The following GTPBP8 variants were observed in gnomAD, a reference collection of about 807,000 sequenced individuals.
The protein encoded by GTPBP8 is GTP binding protein 8.
Under a neutral mutation model 27.3 loss-of-function variants are expected in GTPBP8, and 21 were observed. The observed-to-expected ratio is 0.77, with a 90% CI of 0.55 to 1.11. GTPBP8 has a LOEUF of 1.11. GTPBP8 is among the 50% of genes least tolerant of loss of function. GTPBP8 has a pLI of 0.00. For missense variants in GTPBP8, 380 were observed against 350.8 expected (o/e 1.08, Z -0.67); for synonymous variants, 147 against 135.3 (o/e 1.09, Z -0.60).
rs759644940 is a variant in GTPBP8 at position 112,991,164 on chromosome 3, GCGGTTCCTCGCCCCCTA to G, written c.169_185del (p.Phe57GlufsTer10). The stretch of plus-strand genomic sequence containing the variant: ...TGCTGTACCCGCTGCAGGAAGTAGA[GCGGTTCCTCGCCCCCTA>G]CGGGAGGCAAGACCTTCACCTGCGT... On this transcript the variant is annotated frameshift_variant, in exon 1 of 6. Transcript: ENST00000383678. LOFTEE classifies it high-confidence loss of function. 3.1e-6 allele frequency: 5 copies of G among 1,614,140 alleles called. No homozygotes were observed. Among genetic ancestry groups the G allele is most frequent in the Non-Finnish European group, 3.4e-6 (4 of 1,180,032 alleles).
chr3:112,997,343 G>T (rs1576167783), intron 4 of GTPBP8, among the ~76,000 whole-genome samples: 1 of 152,172 alleles, frequency 6.6e-6, no homozygotes, highest in African/African-American at 2.4e-5. Context: ...GTGGCAGATA[G>T]TACTTATAAG....
chr3:112,993,047 A>G lies in GTPBP8; in HGVS notation c.358A>G (p.Asn120Asp), dbSNP rs773603135. The change falls in exon 2 of 6, where the codon AAT (asparagine) becomes GAT (aspartate). Residue 120 changes from asparagine to aspartate, a missense_variant. Coordinates refer to ENST00000383678, the MANE Select transcript of GTPBP8 (RefSeq NM_014170.4). ...RPEVCFIGRSNVGKSSLIKAL... is the reference protein window; with the variant it reads ...RPEVCFIGRSDVGKSSLIKAL... ...TAAGGTGTGTTTTATAGGCAGAAGC[A>G]ATGTTGGAAAATCATCTCTAATCAA... The G allele has an allele frequency of 8.1e-6, 13 of 1,607,490 alleles. No individual in the cohort carries two copies. The African/African-American group carries it at 1.6e-4, about 20-fold the overall frequency.
chr3:112,991,328 G>A lies in GTPBP8; in HGVS notation c.329G>A (p.Arg110Gln), dbSNP rs749091904. The A allele has an allele frequency of 1.2e-6, 2 of 1,613,482 alleles. No homozygotes were observed. The highest frequency in any genetic ancestry group is 1.1e-5 in the South Asian group (1 of 91,088). Residue 110 changes from arginine (R) to glutamine (Q), a missense_variant, in exon 1 of 6, where the codon CGG becomes CAG. Physicochemically the swap from Arg to Gln is conservative, Grantham distance 43. Coordinates refer to ENST00000383678, the MANE Select transcript of GTPBP8 (RefSeq NM_014170.4). ...VRIDHAPDLP[R>Q]PEVCFIGRSN... ...ATCGACCACGCCCCGGACCTTCCGC[G>A]GCCAGAGGTGAGAGGCGATTCTCAC...
At chr3:112,998,191 A>G (rs1933823508) in intron 4 of GTPBP8, among the ~76,000 whole-genome samples, 1 of 152,044 alleles carries the variant, frequency 6.6e-6, no homozygotes, top group African/African-American at 2.4e-5. Flanking sequence ...GTCTTCACCA[A>G]CAACCAGTGG....
chr3:112,991,986 A>AG (rs1241030671), intron 1 of GTPBP8: 1 of 192,840 alleles, frequency 5.2e-6, no homozygotes, highest in African/African-American at 2.4e-5. Context: ...GTCTGCTAAA[A>AG]GGCATCTCAA....
intron 3 of GTPBP8, among the ~76,000 whole-genome samples, chr3:112,996,087 A>G (rs1243570652): frequency 6.6e-6 from 1 of 152,196 alleles, no homozygotes; most frequent in African/African-American, 2.4e-5. Flanking sequence ...ATAAGGGGTA[A>G]AATCAAATAT....
Position 112,998,886 on chromosome 3 carries a change from G to A in GTPBP8, c.667-560G>A, listed in dbSNP as rs532970542. Among the ~76,000 whole-genome samples, 9 of 152,168 alleles carry A rather than the reference G, an allele frequency of 5.9e-5. No homozygotes were observed. In the East Asian group the frequency reaches 1.7e-3, roughly 29 times the overall value. On this transcript the variant is annotated intron_variant, in intron 4 of 5. Coordinates refer to ENST00000383678, the MANE Select transcript of GTPBP8 (RefSeq NM_014170.4). The stretch of plus-strand genomic sequence containing the variant: ...CACCAGGAATATCTGGTGGATTAAG[G>A]TTTTATTTTTAATTGATTTTTGTAA...
At chr3:113,000,829 A>AT (rs759861592) in intron 5 of GTPBP8, 21 bp from the exon 6 acceptor site, 18 of 1,477,696 alleles carry the variant, frequency 1.2e-5, no homozygotes, top group Non-Finnish European at 1.7e-5. Context: ...GAAGAAAATT[A>AT]TTTCTCTTTT....
rs1212576376 is a variant in GTPBP8, at chr3:112,999,716, A to G, written c.785+152A>G. The G allele has an allele frequency of 1.4e-5, 8 of 557,208 alleles. No homozygotes were observed. The Admixed American group carries it at 2.6e-4, about 18-fold the overall frequency. The allele number at this position is 557,208 out of a possible 1,614,324, so 34.5% of individuals were successfully genotyped here. A position where few individuals can be genotyped will look rare whatever the true frequency, so the allele number is the denominator to read the frequency against. ...TTATTTATGAGATTTTAGTGCACCC[A>G]TCACCTGAGCAGTGTACACTGTACC... On this transcript the variant is annotated intron_variant, in intron 5 of 5. Transcript: ENST00000383678.
At chr3:112,992,266 C>T (rs1486643996) in intron 1 of GTPBP8, 1 of 152,116 alleles carries the variant, frequency 6.6e-6, no homozygotes, top group Non-Finnish European at 1.5e-5. Context: ...GAAGAACTGA[C>T]CAGAATTTTC....
Position 112,991,067 on chromosome 3 carries a change from T to A in GTPBP8, c.68T>A (p.Leu23Gln). ...LFEMPAVLER[L>Q]SRYNSTSQAF... ...GAAATGCCTGCGGTGCTAGAGCGAC[T>A]GAGCCGCTATAATAGCACGTCCCAA... Residue 23 changes from leucine to glutamine, a missense_variant, in exon 1 of 6, where the codon CTG becomes CAG. Coordinates refer to ENST00000383678, the MANE Select transcript of GTPBP8 (RefSeq NM_014170.4). 1 of 1,613,858 alleles carries A rather than the reference T, an allele frequency of 6.2e-7. No individual in the cohort carries two copies. The highest frequency in any genetic ancestry group is 8.5e-7 in the Non-Finnish European group (1 of 1,179,910).
intron 4 of GTPBP8, among the ~76,000 whole-genome samples, chr3:112,997,386 TTAAC>T (rs564834711): frequency 3.2e-4 from 48 of 152,358 alleles, no homozygotes; most frequent in African/African-American, 1.1e-3. Context: ...AAAAAGTTGC[TTAAC>T]TAATTTAAAA....
At position 112,991,316 on chromosome 3, in the gene GTPBP8, C is replaced by G. The variant is rs368428403; in HGVS notation, c.317C>G (p.Pro106Arg). 1 of 1,613,660 alleles carries G rather than the reference C, an allele frequency of 6.2e-7. No homozygotes were observed. Among genetic ancestry groups the G allele is most frequent in the Non-Finnish European group, 8.5e-7 (1 of 1,180,022 alleles). ...TCCGCCGTCCGTATCGACCACGCCC[C>G]GGACCTTCCGCGGCCAGAGGTGAGA... ...VSSAVRIDHA[P>R]DLPRPEVCFI... Residue 106 changes from proline (P) to arginine (R), a missense_variant, in exon 1 of 6, where the codon CCG (proline) becomes CGG (arginine). Transcript: ENST00000383678.
In GTPBP8 at chr3:113,000,988, TAGA is replaced by T. The variant is rs1305625821; in HGVS notation, c.*74_*76del. 1.7e-5 allele frequency: 14 copies of T among 842,080 alleles called. No homozygotes were observed. In the Admixed American group the frequency reaches 2.7e-4, roughly 16 times the overall value. The allele number at this position is 842,080 out of a possible 1,614,324, so 52.2% of individuals were successfully genotyped here. Reference sequence around the variant, plus strand: ...TTTATGCTAACTGGAGTTAAATACCTAGAAGAATTTCAACATTGTTTTAAATGT... The same window carrying T: ...TTTATGCTAACTGGAGTTAAATACCTAGAATTTCAACATTGTTTTAAATGT... On this transcript the variant is annotated 3_prime_UTR_variant, in exon 6 of 6. Transcript: ENST00000383678.
intron 2 of GTPBP8, among the ~76,000 whole-genome samples, chr3:112,994,221 C>T (rs751303929): frequency 6.6e-5 from 10 of 152,078 alleles, no homozygotes; most frequent in African/African-American, 9.7e-5. Flanking sequence ...GTTGGGAGTT[C>T]GAGACCAGCC....
Position 112,999,511 on chromosome 3 carries a change from G to A in GTPBP8, c.732G>A (p.Gln244=), listed in dbSNP as rs542787867. ...GHLLKQVLQI[Q]KFVNMKTQGC... ...TTTTAAAACAAGTGCTTCAGATCCA[G>A]AAATTTGTTAACATGAAAACTCAAG... Residue 244 remains glutamine, a synonymous_variant, in exon 5 of 6, where the codon CAG becomes CAA. Transcript: ENST00000383678. 8.4e-6 allele frequency: 13 copies of A among 1,540,254 alleles called. No individual in the cohort carries two copies. The East Asian group carries it at 1.6e-4, about 19-fold the overall frequency.
In GTPBP8 at chr3:112,999,540, GT is replaced by G; in HGVS notation, c.765del (p.Pro256LeufsTer6). ...TTTGTTAACATGAAAACTCAAGGAT[GT>G]TTTCCTCAGTTGTTTCCTGTAAGGT... Reference protein sequence around the residue: ...QKFVNMKTQGCFPQLFPVSAV... With the variant: ...QKFVNMKTQGXFPQLFPVSAV... On this transcript the variant is annotated frameshift_variant, in exon 5 of 6. Transcript: ENST00000383678. LOFTEE classifies it high-confidence loss of function. 1 of 1,428,792 alleles carries G rather than the reference GT, an allele frequency of 7.0e-7. No homozygotes were observed. Among genetic ancestry groups the G allele is most frequent in the Non-Finnish European group, 9.7e-7 (1 of 1,033,174 alleles). 88.5% of individuals were successfully genotyped at this position (1,428,792 alleles called of 1,614,324 possible).
intron 2 of GTPBP8, among the ~76,000 whole-genome samples, chr3:112,994,539 G>T (rs1933748900): frequency 6.6e-6 from 1 of 151,940 alleles, no homozygotes; most frequent in South Asian, 2.1e-4. Flanking sequence ...AATTTTAGTT[G>T]CACAAATGTT....
chr3:112,999,809 A>G (rs1933858146), intron 5 of GTPBP8, among the ~76,000 whole-genome samples: 1 of 151,968 alleles, frequency 6.6e-6, no homozygotes, highest in Non-Finnish European at 1.5e-5. Flanking sequence ...CCATTATATC[A>G]TTCTTATGCA....
Sources: allele counts gnomAD v4.1 joint callset (sites outside exome capture counted in the v4.1 genomes callset), GRCh38; gene constraint gnomAD v4.1.1; transcripts MANE v1.5; gene names NCBI Gene and HGNC (gene_info 2026-07-23, HGNC 2026-07-21).